MACROD2: variants seen among roughly 807,000 people sequenced by gnomAD.
MACROD2 encodes mono-ADP ribosylhydrolase 2, also known as ADP-ribose glycohydrolase MACROD2.
Under a neutral mutation model 70.4 loss-of-function variants are expected in MACROD2, and 36 were observed. The ratio of observed to expected loss-of-function variants is 0.51; its 90% CI spans 0.39 to 0.68. MACROD2 has a LOEUF of 0.68. Ranked by LOEUF, MACROD2 falls within the 30% of genes least tolerant of loss-of-function variation. The pLI is 0.00. For missense variants in MACROD2, 496 were observed against 538.4 expected (o/e 0.92, Z 0.78); for synonymous variants, 172 against 178.8 (o/e 0.96, Z 0.30).
At chr20:15,694,567 T>A (rs117797727) in intron 8 of MACROD2, among the ~76,000 whole-genome samples, 6,655 of 150,602 alleles carry the variant, frequency 0.044, 291 homozygotes, top group East Asian at 0.21. Flanking sequence ...GTGATGTTTG[T>A]TTTTTTTTCT....
At chr20:14,578,031 CTGT>C (rs1366141441) in intron 4 of MACROD2, among the ~76,000 whole-genome samples, 1 of 152,008 alleles carries the variant, frequency 6.6e-6, no homozygotes, top group African/African-American at 2.4e-5. Flanking sequence ...GAAGTACAAC[CTGT>C]TGTTCTTTCT....
intron 15 of MACROD2, among the ~76,000 whole-genome samples, chr20:16,020,681 C>A (rs2066989277): frequency 6.6e-6 from 1 of 151,032 alleles, no homozygotes; most frequent in Admixed American, 6.6e-5. Flanking sequence ...TTAACGAATT[C>A]ACTCTTCCTT....
At chr20:14,896,455 T>C (rs2073831114) in intron 5 of MACROD2, among the ~76,000 whole-genome samples, 1 of 152,180 alleles carries the variant, frequency 6.6e-6, no homozygotes, top group South Asian at 2.1e-4. Context: ...ATGTGCTGTG[T>C]TTAACAGCGT....
chr20:15,280,934 G>A (rs1480964199), intron 6 of MACROD2: 2 of 152,236 alleles, frequency 1.3e-5, no homozygotes, highest in African/African-American at 4.8e-5. Context: ...ATAAAGGAAA[G>A]AGGTTTAATT....
chr20:15,907,191 G>A (rs577245356), intron 10 of MACROD2, among the ~76,000 whole-genome samples: 2 of 152,330 alleles, frequency 1.3e-5, no homozygotes, highest in East Asian at 3.9e-4. Flanking sequence ...TTGGAAACTA[G>A]ATCTGAGTAT....
At chr20:15,208,988 T>G (rs1464569413) in intron 5 of MACROD2, among the ~76,000 whole-genome samples, 3 of 152,110 alleles carry the variant, frequency 2.0e-5, no homozygotes, top group Non-Finnish European at 4.4e-5. Flanking sequence ...CACTGGACCT[T>G]TGATGACAGG....
At chr20:15,721,037 T>C (rs1291081943) in intron 8 of MACROD2, among the ~76,000 whole-genome samples, 2 of 152,184 alleles carry the variant, frequency 1.3e-5, no homozygotes, top group African/African-American at 4.8e-5. Flanking sequence ...CCAGAAAATA[T>C]TTTTAAAACC....
At chr20:14,542,927 A>G (rs1027353582) in intron 4 of MACROD2, among the ~76,000 whole-genome samples, 6 of 142,810 alleles carry the variant, frequency 4.2e-5, no homozygotes, top group African/African-American at 1.6e-4. Flanking sequence ...ATTTTACATA[A>G]TGAATTAATG....
intron 4 of MACROD2, among the ~76,000 whole-genome samples, chr20:14,591,237 T>C (rs1458777382): frequency 1.3e-5 from 2 of 152,194 alleles, no homozygotes; most frequent in Non-Finnish European, 2.9e-5. Flanking sequence ...TTTCTGTATG[T>C]ATTACAAATT....
At chr20:15,855,751 T>A (rs1403251155) in intron 8 of MACROD2, among the ~76,000 whole-genome samples, 2 of 152,226 alleles carry the variant, frequency 1.3e-5, no homozygotes, top group Non-Finnish European at 2.9e-5. Flanking sequence ...TATAAGGTTT[T>A]TGAACTTTAT....
chr20:15,462,467 T>A (rs1346957785), intron 7 of MACROD2, among the ~76,000 whole-genome samples: 1 of 152,212 alleles, frequency 6.6e-6, no homozygotes, highest in African/African-American at 2.4e-5. Flanking sequence ...CCCTTACATT[T>A]GTATAGCATG....
intron 3 of MACROD2, among the ~76,000 whole-genome samples, chr20:14,356,221 G>T (rs2083170739): frequency 6.6e-6 from 1 of 152,148 alleles, no homozygotes; most frequent in African/African-American, 2.4e-5. Flanking sequence ...GTGCCATGGA[G>T]TTTTTAAGAG....
At chr20:14,384,601 G>A (rs1466847670) in intron 3 of MACROD2, among the ~76,000 whole-genome samples, 2 of 152,122 alleles carry the variant, frequency 1.3e-5, no homozygotes, top group South Asian at 4.1e-4. Context: ...GTGACCATCT[G>A]CCAAGTGTAA....
intron 4 of MACROD2, among the ~76,000 whole-genome samples, chr20:14,609,818 G>C (rs1983044365): frequency 6.6e-6 from 1 of 151,992 alleles, no homozygotes; most frequent in African/African-American, 2.4e-5. Context: ...TGGGGTCATG[G>C]GCTGTGGGAC....
chr20:14,745,197 ATT>A (rs1332106282), intron 5 of MACROD2, among the ~76,000 whole-genome samples: 1 of 152,190 alleles, frequency 6.6e-6, no homozygotes, highest in Non-Finnish European at 1.5e-5. Context: ...TTCAGAACCA[ATT>A]TTTAAAAATC....
At chr20:15,408,651 C>A (rs1022116127) in intron 6 of MACROD2, among the ~76,000 whole-genome samples, 1 of 152,206 alleles carries the variant, frequency 6.6e-6, no homozygotes, top group Non-Finnish European at 1.5e-5. Flanking sequence ...TAGAGATGAT[C>A]CCCCTGGCCC....
chr20:14,028,606 G>A (rs760212163), intron 2 of MACROD2, among the ~76,000 whole-genome samples: 5 of 152,190 alleles, frequency 3.3e-5, no homozygotes, highest in African/African-American at 7.2e-5. Flanking sequence ...TGGGAAAAGC[G>A]TAGTATCCAG....
intron 6 of MACROD2, among the ~76,000 whole-genome samples, chr20:15,256,013 CT>C (rs2077196363): frequency 6.6e-6 from 1 of 151,964 alleles, no homozygotes; most frequent in Admixed American, 6.6e-5. Flanking sequence ...TTTTTCACTC[CT>C]TTTTTTCTTG....
intron 15 of MACROD2, among the ~76,000 whole-genome samples, chr20:16,019,518 A>G (rs1431700938): frequency 1.3e-5 from 2 of 152,176 alleles, no homozygotes; most frequent in Admixed American, 6.5e-5. Flanking sequence ...TGCTTGCTTC[A>G]TATTCCATGG....
Sources: allele counts gnomAD v4.1 joint callset (sites outside exome capture counted in the v4.1 genomes callset), GRCh38; gene constraint gnomAD v4.1.1; transcripts MANE v1.5; gene names NCBI Gene and HGNC (gene_info 2026-07-23, HGNC 2026-07-21).